ATP8B1: variants seen among roughly 807,000 people sequenced by gnomAD.
ATP8B1 encodes phospholipid-transporting ATPase IC.
Under a neutral mutation model 149.9 loss-of-function variants are expected in ATP8B1, and 80 were observed. The ratio of observed to expected loss-of-function variants is 0.53; its 90% CI spans 0.45 to 0.64. The LOEUF is 0.64. Among genes scored for constraint, ATP8B1 ranks in the 30% least tolerant of loss-of-function variants. The pLI is 0.00. For synonymous variants in ATP8B1, 536 were observed against 562.8 expected (o/e 0.95, Z 0.67); for missense variants, 1,247 against 1,552.6 (o/e 0.80, Z 3.31).
intron 2 of ATP8B1, among the ~76,000 whole-genome samples, chr18:57,708,107 G>A (rs1476070810): frequency 5.7e-5 from 8 of 141,336 alleles, no homozygotes; most frequent in Admixed American, 2.2e-4. Context: ...GCAGTGAGCC[G>A]AGATAGTGCC....
rs1164932192 is a variant in ATP8B1 at position 57,648,375 on chromosome 18, G to A, written c.*113C>T. On this transcript the variant is annotated 3_prime_UTR_variant, in exon 28 of 28. Transcript: ENST00000648908. ...GAGTTTGTTATAAAGATTATTTATT[G>A]TCTTCAATATCTTTGTGATGAATGC... 1 of 1,193,956 alleles carries A rather than the reference G, an allele frequency of 8.4e-7. No homozygotes were observed. Among genetic ancestry groups the A allele is most frequent in the Non-Finnish European group, 1.2e-6 (1 of 816,016 alleles). The allele number at this position is 1,193,956 out of a possible 1,614,324, so 74.0% of individuals were successfully genotyped here.
At chr18:57,783,143 G>C (rs992977489) in intron 1 of ATP8B1, among the ~76,000 whole-genome samples, 9 of 152,096 alleles carry the variant, frequency 5.9e-5, no homozygotes, top group African/African-American at 2.2e-4. Flanking sequence ...TGCACTGGCT[G>C]AAGGGAGGCG....
rs71171079 is a variant in ATP8B1 at position 57,736,453 on chromosome 18, G to GTTTTT, written c.-25-4626_-25-4622dup. ...TTTCTTCTAGTATAAAGTTTTACTA[G>GTTTTT]TTTTTTTTTTTTTTTTTTTTTTTTG... On this transcript the variant is annotated intron_variant, in intron 1 of 27. Coordinates refer to ENST00000648908, the MANE Select transcript of ATP8B1 (RefSeq NM_001374385.1). Among the ~76,000 whole-genome samples the GTTTTT allele has an allele frequency of 1.1e-4, 8 of 70,136 alleles. 4 individuals carry two copies. Among genetic ancestry groups the GTTTTT allele is most frequent in the Non-Finnish European group, 1.6e-4 (6 of 37,390 alleles). The allele number at this position is 70,136 out of a possible 152,430, so 46.0% of individuals were successfully genotyped here. A position where few individuals can be genotyped will look rare whatever the true frequency, so the allele number is the denominator to read the frequency against.
intron 2 of ATP8B1, among the ~76,000 whole-genome samples, chr18:57,719,408 G>A (rs1160522392): frequency 6.6e-6 from 1 of 152,208 alleles, no homozygotes; most frequent in Non-Finnish European, 1.5e-5. Context: ...TGCGCGCACT[G>A]TGCGCGAGCC....
chr18:57,695,378 C>A, intron 9 of ATP8B1, 49 bp from the exon 10 acceptor site: 1 of 1,591,550 alleles, frequency 6.3e-7, no homozygotes, highest in African/African-American at 1.3e-5. Flanking sequence ...AAAAGTCTTT[C>A]TGGTTTTAAT....
At position 57,655,135 on chromosome 18, in the gene ATP8B1, A is replaced by T. The variant is rs17753176; in HGVS notation, c.2931+59T>A. On this transcript the variant is annotated intron_variant, in intron 23 of 27. Transcript: ENST00000648908. Reference sequence around the variant, plus strand: ...AAATAAATTGTCTTTTCAGAACTAGATTTTTATTCATTTAAGAGCTCTACT... The same window carrying T: ...AAATAAATTGTCTTTTCAGAACTAGTTTTTTATTCATTTAAGAGCTCTACT... 0.25 allele frequency: 367,385 copies of T among 1,473,276 alleles called. 48,568 individuals carry two copies. Among genetic ancestry groups the T allele is most frequent in the Non-Finnish European group, 0.27 (289,095 of 1,057,216 alleles). 91.3% of individuals were successfully genotyped at this position (1,473,276 alleles called of 1,614,324 possible). A position where few individuals can be genotyped will look rare whatever the true frequency, so the allele number is the denominator to read the frequency against.
At chr18:57,744,942 A>C (rs1257404911) in intron 1 of ATP8B1, among the ~76,000 whole-genome samples, 5 of 152,242 alleles carry the variant, frequency 3.3e-5, no homozygotes, top group African/African-American at 1.2e-4. Flanking sequence ...ATGAAAAGGC[A>C]GTAGAAGAGG....
rs762838957 is a variant in ATP8B1 at position 57,688,333 on chromosome 18, G to A, written c.1395C>T (p.Thr465=). Residue 465 remains threonine, a synonymous_variant, in exon 13 of 28, where the codon ACC becomes ACT. Coordinates refer to ENST00000648908, the MANE Select transcript of ATP8B1 (RefSeq NM_001374385.1). ...KTGTLTQNIM[T]FKKCCINGQI... is the part of the protein sequence containing the mutation. ...GCCCGTTGATACAGCACTTTTTAAA[G>A]GTCATGATATTTTGTGTGAGTGTCC... The A allele has an allele frequency of 8.1e-6, 13 of 1,614,128 alleles. No individual in the cohort carries two copies. In the South Asian group the frequency reaches 8.8e-5, roughly 11 times the overall value.
intron 1 of ATP8B1, among the ~76,000 whole-genome samples, chr18:57,748,267 T>A (rs2079983525): frequency 6.6e-6 from 1 of 152,174 alleles, no homozygotes; most frequent in Non-Finnish European, 1.5e-5. Flanking sequence ...ATTCTACAAA[T>A]AAAGAAACTG....
chr18:57,652,865 A>G (rs1909717382), intron 24 of ATP8B1, 136 bp from the exon 25 acceptor site: 8 of 1,059,440 alleles, frequency 7.6e-6, no homozygotes, highest in Non-Finnish European at 9.9e-6. Flanking sequence ...AAGATAATCG[A>G]TCAATCCTGC....
In ATP8B1 at chr18:57,671,573, G is replaced by C; in HGVS notation, c.1827C>G (p.Thr609=). The change falls in exon 17 of 28, where the codon ACC becomes ACG. Residue 609 remains threonine (T), a synonymous_variant. Coordinates refer to ENST00000648908, the MANE Select transcript of ATP8B1 (RefSeq NM_001374385.1). ...DRKRMSIIVR[T]PEGNIKLYCK... is the part of the protein sequence containing the mutation. ...AGTAAAGCTTGATATTGCCTTCTGG[G>C]GTTCTTACTGGTAGTAAAAGAAGGA... 6.2e-7 allele frequency: 1 copy of C among 1,606,430 alleles called. No individual in the cohort carries two copies. The highest frequency in any genetic ancestry group is 8.5e-7 in the Non-Finnish European group (1 of 1,173,052).
intron 6 of ATP8B1, among the ~76,000 whole-genome samples, chr18:57,699,728 T>TA (rs56367911): frequency 0.54 from 82,042 of 150,600 alleles, 23,339 homozygotes; most frequent in East Asian, 0.69. Context: ...CTCAAAAAAA[T>TA]AAAAAAAAAG....
At chr18:57,706,041 G>T (rs1413299943) in intron 3 of ATP8B1, among the ~76,000 whole-genome samples, 1 of 152,002 alleles carries the variant, frequency 6.6e-6, no homozygotes, top group Non-Finnish European at 1.5e-5. Context: ...TTTGTATTTC[G>T]CATTTAATCT....
chr18:57,655,045 C>A (rs1053900568), intron 23 of ATP8B1, 149 bp downstream of exon 23: 8 of 751,522 alleles, frequency 1.1e-5, no homozygotes, highest in African/African-American at 1.1e-4. Flanking sequence ...TTAGAGAAGT[C>A]ATGATCATTC....
intron 1 of ATP8B1, among the ~76,000 whole-genome samples, chr18:57,782,907 G>T (rs113320427): frequency 1.4e-5 from 2 of 142,984 alleles, no homozygotes; most frequent in Non-Finnish European, 3.0e-5. Context: ...TCGCCTCCTG[G>T]GTTCAAGCAA....
intron 16 of ATP8B1, among the ~76,000 whole-genome samples, chr18:57,672,866 CAAA>C (rs869293441): frequency 1.1e-3 from 38 of 33,696 alleles, no homozygotes; most frequent in South Asian, 2.8e-3. Flanking sequence ...AACTCTGTCT[CAAA>C]AAAAAAAAAA....
At chr18:57,690,937 A>G (rs1160648020) in intron 12 of ATP8B1, among the ~76,000 whole-genome samples, 1 of 152,152 alleles carries the variant, frequency 6.6e-6, no homozygotes, top group Non-Finnish European at 1.5e-5. Flanking sequence ...GCACTTTGGG[A>G]GGTGAGGTGG....
At chr18:57,769,265 C>T (rs2080245894) in intron 1 of ATP8B1, among the ~76,000 whole-genome samples, 1 of 152,208 alleles carries the variant, frequency 6.6e-6, no homozygotes, top group Non-Finnish European at 1.5e-5. Context: ...CTCTTCCATC[C>T]TCAGAGCCGT....
At chr18:57,662,243 A>G (rs954909228) in intron 21 of ATP8B1, among the ~76,000 whole-genome samples, 2 of 152,236 alleles carry the variant, frequency 1.3e-5, no homozygotes, top group African/African-American at 2.4e-5. Flanking sequence ...CTAACAATCT[A>G]TAAAGAAGAA....
Sources: gnomAD v4.1 joint callset for allele counts (sites outside exome capture counted in the v4.1 genomes callset) on GRCh38, gnomAD v4.1.1 for gene constraint, MANE v1.5 for transcripts, NCBI Gene and HGNC (gene_info 2026-07-23, HGNC 2026-07-21) for gene names.